The following KLHL4 variants were observed in gnomAD, a reference collection of about 807,000 sequenced individuals.
The protein encoded by KLHL4 is kelch-like protein 4.
A neutral mutation model predicts 45.8 loss-of-function variants in KLHL4; 17 were observed. The observed-to-expected ratio is 0.37, with a 90% confidence interval of 0.25 to 0.56. KLHL4 has a LOEUF of 0.56. KLHL4 is among the 20% of genes least tolerant of loss of function. The pLI is 0.79. For synonymous variants in KLHL4, 224 were observed against 189.9 expected (o/e 1.18, Z -1.47); for missense variants, 544 against 544.9 (o/e 1.00, Z 0.02).
At chrX:87,570,908 TTGA>T (rs1187554139) in intron 1 of KLHL4, among the ~76,000 whole-genome samples, 2 of 110,846 alleles carry the variant, frequency 1.8e-5, no homozygotes, top group Non-Finnish European at 3.8e-5. Context: ...TTGTGGCATG[TTGA>T]TGATGAATGC....
chrX:87,572,188 AG>A (rs1932346638), intron 1 of KLHL4, among the ~76,000 whole-genome samples: 1 of 111,475 alleles, frequency 9.0e-6, no homozygotes, highest in Non-Finnish European at 1.9e-5. Context: ...CCAAAGAACT[AG>A]TTTCTGCGAA....
At chrX:87,594,713 T>C (rs1602434076) in intron 1 of KLHL4, among the ~76,000 whole-genome samples, 1 of 111,964 alleles carries the variant, frequency 8.9e-6, no homozygotes, top group East Asian at 2.8e-4. Flanking sequence ...AGATGACTCC[T>C]GAAGAATACT....
At chrX:87,639,624 T>G (rs776160444) in intron 9 of KLHL4, among the ~76,000 whole-genome samples, 41 of 111,164 alleles carry the variant, frequency 3.7e-4, no homozygotes, top group Admixed American at 6.7e-4. Context: ...TGGGTCACAG[T>G]GAAATCAAGA....
At chrX:87,655,066 A>G (rs1333819406) in intron 9 of KLHL4, among the ~76,000 whole-genome samples, 2 of 111,863 alleles carry the variant, frequency 1.8e-5, no homozygotes, top group Admixed American at 9.5e-5. Context: ...TGCCACATAC[A>G]TACTTTGCAA....
At position 87,614,482 on chromosome X, in the gene KLHL4, T is replaced by C. The variant is rs771557760; in HGVS notation, c.639T>C (p.Asn213=). 6 of 1,206,446 alleles carry C rather than the reference T, an allele frequency of 5.0e-6. No individual in the cohort carries two copies. In the East Asian group the frequency reaches 1.8e-4, roughly 36 times the overall value. The change falls in exon 3 of 11, where the codon AAT becomes AAC. Residue 213 remains asparagine, a synonymous_variant. Transcript: ENST00000373119. The part of the protein sequence containing the change: ...VSDYFAAMFT[N]DVLEAKQEEV... The stretch of plus-strand genomic sequence containing the variant: ...ATTATTTTGCTGCAATGTTTACTAA[T>C]GATGTGCTTGAAGCCAAACAAGAAG...
chrX:87,662,447 A>G (rs1193895693), intron 9 of KLHL4, among the ~76,000 whole-genome samples: 3 of 112,296 alleles, frequency 2.7e-5, no homozygotes, highest in Non-Finnish European at 1.9e-5. Flanking sequence ...ATGCAAAAGT[A>G]GTTGAAATCA....
chrX:87,632,700 T>C (rs1415020450), intron 7 of KLHL4, among the ~76,000 whole-genome samples: 1 of 111,463 alleles, frequency 9.0e-6, no homozygotes, highest in Non-Finnish European at 1.9e-5. Flanking sequence ...TAAAATAATA[T>C]ACAACTACAG....
At chrX:87,530,766 A>T (rs773977431) in intron 1 of KLHL4, among the ~76,000 whole-genome samples, 1,126 of 100,530 alleles carry the variant, frequency 0.011, 26 homozygotes, top group African/African-American at 0.041. Flanking sequence ...CATGATTTAT[A>T]GTCCTTTTGG....
chrX:87,657,997 A>C (rs1311444900), intron 9 of KLHL4, among the ~76,000 whole-genome samples: 2 of 112,142 alleles, frequency 1.8e-5, no homozygotes, highest in Non-Finnish European at 3.8e-5. Flanking sequence ...GGACTCCAAA[A>C]TTTAGCAGGC....
At chrX:87,602,704 G>C (rs995774852) in intron 1 of KLHL4, among the ~76,000 whole-genome samples, 1 of 111,348 alleles carries the variant, frequency 9.0e-6, no homozygotes, top group Non-Finnish European at 1.9e-5. Context: ...TATCCCTCTT[G>C]TTAAACAACT....
intron 1 of KLHL4, among the ~76,000 whole-genome samples, chrX:87,599,383 A>G (rs1921936905): frequency 8.9e-6 from 1 of 111,796 alleles, no homozygotes; most frequent in Admixed American, 9.6e-5. Context: ...TCAGCCTAGA[A>G]AGTATATTTT....
chrX:87,577,833 T>G (rs1921147072), intron 1 of KLHL4, among the ~76,000 whole-genome samples: 1 of 111,722 alleles, frequency 9.0e-6, no homozygotes, highest in African/African-American at 3.2e-5. Context: ...GTCTTTATAT[T>G]TTCTTCTTCC....
chrX:87,655,316 G>T (rs1367408863), intron 9 of KLHL4, among the ~76,000 whole-genome samples: 1 of 111,778 alleles, frequency 8.9e-6, no homozygotes, highest in Admixed American at 9.5e-5. Flanking sequence ...TTATTGCATT[G>T]CTTCCTAGCT....
At chrX:87,620,626 T>A in intron 4 of KLHL4, among the ~76,000 whole-genome samples, 1 of 112,357 alleles carries the variant, frequency 8.9e-6, no homozygotes, top group Non-Finnish European at 1.9e-5. Flanking sequence ...CCTTAAGTTT[T>A]ATAGTTTTAT....
At chrX:87,587,875 G>A (rs1921533463) in intron 1 of KLHL4, among the ~76,000 whole-genome samples, 1 of 111,196 alleles carries the variant, frequency 9.0e-6, no homozygotes, top group Non-Finnish European at 1.9e-5. Context: ...CCTTTTTTGT[G>A]CATGATACTA....
At chrX:87,582,345 A>G (rs1269017300) in intron 1 of KLHL4, among the ~76,000 whole-genome samples, 1 of 112,070 alleles carries the variant, frequency 8.9e-6, no homozygotes, top group Non-Finnish European at 1.9e-5. Flanking sequence ...AACATCCAGC[A>G]GCAGCAGCTT....
At chrX:87,525,174 A>G (rs1357528723) in intron 1 of KLHL4, among the ~76,000 whole-genome samples, 1 of 112,180 alleles carries the variant, frequency 8.9e-6, no homozygotes, top group Non-Finnish European at 1.9e-5. Flanking sequence ...GCTATCATTC[A>G]GTGTATATCA....
At chrX:87,602,623 T>C (rs1922055067) in intron 1 of KLHL4, among the ~76,000 whole-genome samples, 1 of 111,741 alleles carries the variant, frequency 8.9e-6, no homozygotes, top group African/African-American at 3.2e-5. Context: ...GGTTATATCA[T>C]GTAGGCTTGT....
chrX:87,632,175 G>A (rs1035714068), intron 6 of KLHL4, 35 bp from the exon 7 acceptor site: 6 of 911,683 alleles, frequency 6.6e-6, no homozygotes, highest in Non-Finnish European at 7.8e-6. Flanking sequence ...TTCAATAGAA[G>A]TAGATTTTAC....
Sources: allele counts gnomAD v4.1 joint callset (sites outside exome capture counted in the v4.1 genomes callset), GRCh38; gene constraint gnomAD v4.1.1; transcripts MANE v1.5; gene names NCBI Gene and HGNC (gene_info 2026-07-23, HGNC 2026-07-21).